Variants in NBPF11 observed in about 807,000 individuals in gnomAD.
NBPF11 encodes the protein NBPF family member NBPF11.
NBPF11 carries 72 observed loss-of-function variants against 93.9 expected under a neutral mutation model. That is an observed-to-expected ratio of 0.77 (90% confidence interval 0.63 to 0.93). The LOEUF is 0.93. Among genes scored for constraint, NBPF11 ranks in the 40% least tolerant of loss-of-function variants. NBPF11 has a pLI of 0.00. For missense variants in NBPF11, 705 were observed against 802.2 expected, an observed-to-expected ratio of 0.88 and a Z score of 1.46; for synonymous variants, 224 against 304.9, an observed-to-expected ratio of 0.73 and a Z score of 2.76.
chr1:148,146,652 C>T (rs1471596387), intron 1 of NBPF11: 19 of 1,611,552 alleles, frequency 1.2e-5, no homozygotes, highest in Non-Finnish European at 1.5e-5. Flanking sequence ...TGGACACCAT[C>T]GAGGTCTTCC....
intron 18 of NBPF11, among the ~76,000 whole-genome samples, chr1:148,108,233 C>A (rs1664255644): frequency 6.6e-6 from 1 of 151,478 alleles, no homozygotes; most frequent in African/African-American, 2.4e-5. Context: ...CTGCCCAGAT[C>A]CAACATCTTG....
intron 16 of NBPF11, among the ~76,000 whole-genome samples, chr1:148,109,884 T>C (rs1193649804): frequency 1.4e-5 from 2 of 139,552 alleles, no homozygotes; most frequent in African/African-American, 5.6e-5. Context: ...CAAGCGAACT[T>C]AGAAGACACA....
chr1:148,122,314 G>T (rs1389616618), intron 8 of NBPF11, 48 bp from the exon 9 acceptor site: 1 of 1,610,070 alleles, frequency 6.2e-7, no homozygotes, highest in African/African-American at 1.3e-5. Flanking sequence ...AACACAGAGG[G>T]ATTGGACCCC....
intron 4 of NBPF11, among the ~76,000 whole-genome samples, chr1:148,127,815 CTTTTTTT>C (rs1183487358): frequency 2.6e-4 from 36 of 136,116 alleles, no homozygotes; most frequent in African/African-American, 9.9e-4. Context: ...GCTAATTTTT[CTTTTTTT>C]TTTTTTTGTA....
chr1:148,124,768 G>A (rs1668693626), intron 6 of NBPF11, 131 bp downstream of exon 6: 3 of 798,744 alleles, frequency 3.8e-6, no homozygotes, highest in African/African-American at 3.3e-5. Context: ...ATATTTGTGT[G>A]TCATGAGCCT....
rs1400177569 is a variant in NBPF11 at position 148,148,704 on chromosome 1, G to A, written c.-549+3046C>T. Among the ~76,000 whole-genome samples, 18 of 152,164 alleles carry A rather than the reference G, an allele frequency of 1.2e-4. 1 individual carries two copies. The highest frequency in any genetic ancestry group is 4.3e-4 in the African/African-American group (18 of 41,422). ...GAATTCCTCATGGCCAAGGGGGTGG[G>A]CAAGGGCTGCAGGGAGGAAGAGTGT... On this transcript the variant is annotated intron_variant, in intron 1 of 23. Coordinates refer to ENST00000682118, the MANE Select transcript of NBPF11 (RefSeq NM_001385469.3).
chr1:148,103,504 T>C lies in NBPF11; in HGVS notation c.*392A>G. Reference sequence around the variant, plus strand: ...TAACGTGGGTCCATTGTCTTCAGACTGAGCACAGGTTGCCACTGGCATGCT... The same window carrying C: ...TAACGTGGGTCCATTGTCTTCAGACCGAGCACAGGTTGCCACTGGCATGCT... On this transcript the variant is annotated 3_prime_UTR_variant, in exon 24 of 24. Coordinates refer to ENST00000682118, the MANE Select transcript of NBPF11 (RefSeq NM_001385469.3). The C allele has an allele frequency of 1.7e-6, 2 of 1,178,858 alleles. No homozygotes were observed. Among genetic ancestry groups the C allele is most frequent in the Non-Finnish European group, 2.4e-6 (2 of 849,862 alleles). The allele number at this position is 1,178,858 out of a possible 1,614,324, so 73.0% of individuals were successfully genotyped here.
At chr1:148,124,695 G>A (rs1668673201) in intron 6 of NBPF11, among the ~76,000 whole-genome samples, 1 of 151,982 alleles carries the variant, frequency 6.6e-6, no homozygotes. Context: ...TTGAAAAAGA[G>A]AAAACAAGGC....
chr1:148,123,838 C>G lies in NBPF11; in HGVS notation c.493+15G>C. 2 of 1,527,826 alleles carry G rather than the reference C, an allele frequency of 1.3e-6. No individual in the cohort carries two copies. Among genetic ancestry groups the G allele is most frequent in the Non-Finnish European group, 1.8e-6 (2 of 1,108,846 alleles). The allele number at this position is 1,527,826 out of a possible 1,614,324, so 94.6% of individuals were successfully genotyped here. A position where few individuals can be genotyped will look rare whatever the true frequency, so the allele number is the denominator to read the frequency against. ...GCCTGGGGTTTTGGGTCATCAGGGC[C>G]TATGGCCACCTTACCTGGGCTGAGC... On this transcript the variant is annotated intron_variant, in intron 7 of 23. Coordinates refer to ENST00000682118, the MANE Select transcript of NBPF11 (RefSeq NM_001385469.3).
intron 15 of NBPF11, among the ~76,000 whole-genome samples, chr1:148,111,573 C>A (rs1553268657): frequency 6.6e-6 from 1 of 151,194 alleles, no homozygotes; most frequent in African/African-American, 2.5e-5. Context: ...CCTGATGGAG[C>A]TGAAAACCAT....
intron 1 of NBPF11, among the ~76,000 whole-genome samples, chr1:148,150,746 G>C (rs1234219312): frequency 3.0e-5 from 4 of 135,456 alleles, no homozygotes; most frequent in Non-Finnish European, 6.4e-5. Context: ...TTTTTTTTTA[G>C]AGGGAGTCTC....
At position 148,103,890 on chromosome 1, in the gene NBPF11, C is replaced by A; in HGVS notation, c.*6G>T. 2 of 1,611,064 alleles carry A rather than the reference C, an allele frequency of 1.2e-6. No homozygotes were observed. Among genetic ancestry groups the A allele is most frequent in the Non-Finnish European group, 1.7e-6 (2 of 1,179,196 alleles). On this transcript the variant is annotated 3_prime_UTR_variant, in exon 24 of 24. Transcript: ENST00000682118. ...TCCTGTAAGACTTCAGGCACTTCCA[C>A]TTCCATCAGCACGCTGCTGAGCCTG...
intron 15 of NBPF11, among the ~76,000 whole-genome samples, chr1:148,113,278 T>C (rs1439994048): frequency 6.6e-6 from 1 of 151,822 alleles, no homozygotes. Context: ...GAGGAAGATC[T>C]ACCAAGCAAA....
At chr1:148,105,795 G>A (rs1403340619) in intron 21 of NBPF11, among the ~76,000 whole-genome samples, 4 of 117,182 alleles carry the variant, frequency 3.4e-5, no homozygotes, top group Admixed American at 3.4e-4. Context: ...GAGAGAAAAC[G>A]AGCTCAGTGA....
chr1:148,111,589 G>C (rs1488895329), intron 15 of NBPF11, among the ~76,000 whole-genome samples: 3 of 150,968 alleles, frequency 2.0e-5, no homozygotes, highest in Non-Finnish European at 2.9e-5. Flanking sequence ...ACCATGGCAC[G>C]AAAACTACGT....
intron 11 of NBPF11, among the ~76,000 whole-genome samples, chr1:148,118,257 G>A (rs1667021165): frequency 6.6e-6 from 1 of 151,768 alleles, no homozygotes; most frequent in Non-Finnish European, 1.5e-5. Flanking sequence ...AGAATGAGAA[G>A]CCGCAGTCAG....
chr1:148,122,048 A>C lies in NBPF11; in HGVS notation c.778+7T>G. On this transcript the variant is annotated splice_region_variant and intron_variant, in intron 9 of 23. Transcript: ENST00000682118. Reference sequence around the variant, plus strand: ...GAGGTATGAGACACAAGGAAAATAGAGGCTACCTGGGAGAATGTTTAGAGC... The same window carrying C: ...GAGGTATGAGACACAAGGAAAATAGCGGCTACCTGGGAGAATGTTTAGAGC... The C allele has an allele frequency of 6.3e-7, 1 of 1,594,984 alleles. No individual in the cohort carries two copies. Among genetic ancestry groups the C allele is most frequent in the South Asian group, 1.1e-5 (1 of 90,648 alleles).
At chr1:148,146,087 G>C (rs1239393006) in intron 1 of NBPF11, among the ~76,000 whole-genome samples, 2 of 151,956 alleles carry the variant, frequency 1.3e-5, no homozygotes, top group Admixed American at 1.3e-4. Context: ...CGGAGGGACC[G>C]ACGGACGCAC....
rs1663576168 is a variant in NBPF11 at position 148,106,223 on chromosome 1, T to G, written c.2261A>C (p.Lys754Thr). ...TTGGTCTTCTTCCTCTTCTTGGTCC[T>G]TTTTAATTCCTGCAATACATTCAGA... is the stretch of plus-strand genomic sequence containing the variant. ...GLALDVDRIK[K>T]DQEEEEDQGP... Residue 754 changes from lysine to threonine, a missense_variant, in exon 21 of 24, where the codon AAG (lysine) becomes ACG (threonine). Coordinates refer to ENST00000682118, the MANE Select transcript of NBPF11 (RefSeq NM_001385469.3). The G allele has an allele frequency of 2.4e-6, 2 of 849,112 alleles. No individual in the cohort carries two copies. Among genetic ancestry groups the G allele is most frequent in the African/African-American group, 1.7e-5 (1 of 59,442 alleles). 52.6% of individuals were successfully genotyped at this position (849,112 alleles called of 1,614,324 possible). A position where few individuals can be genotyped will look rare whatever the true frequency, so the allele number is the denominator to read the frequency against.
Sources: gnomAD v4.1 joint callset for allele counts (sites outside exome capture counted in the v4.1 genomes callset) on GRCh38, gnomAD v4.1.1 for gene constraint, MANE v1.5 for transcripts, NCBI Gene and HGNC (gene_info 2026-07-23, HGNC 2026-07-21) for gene names.